The following LMF1 variants were observed in gnomAD, a reference collection of about 807,000 sequenced individuals.
The protein encoded by LMF1 is lipase maturation factor 1.
In LMF1, 68 loss-of-function variants were observed where a neutral mutation model predicts 60.6. The ratio of observed to expected loss-of-function variants is 1.12; its 90% CI spans 0.92 to 1.37. The LOEUF (loss-of-function observed/expected upper bound fraction) is 1.37, where lower values mean the gene tolerates loss of function less well. LMF1 is among the 40% of genes most tolerant of loss of function. The pLI is 0.00. For missense variants in LMF1, 948 were observed against 767.2 expected, an observed-to-expected ratio of 1.24 and a Z score of -2.78; for synonymous variants, 418 against 324.7, an observed-to-expected ratio of 1.29 and a Z score of -3.09.
intron 3 of LMF1, among the ~76,000 whole-genome samples, chr16:926,160 G>A (rs1210299566): frequency 6.6e-6 from 1 of 152,112 alleles, no homozygotes; most frequent in East Asian, 1.9e-4. Context: ...GTTTGCATAT[G>A]TGCATACGCG....
chr16:869,948 G>A lies in LMF1; in HGVS notation c.1351C>T (p.Arg451Trp), dbSNP rs138205062. Residue 451 changes from arginine to tryptophan, a missense_variant, in exon 9 of 11, where the codon CGG becomes TGG. By Grantham distance (101) the Arg-to-Trp change is moderately radical (BLOSUM62 -3). Coordinates refer to ENST00000262301, the MANE Select transcript of LMF1 (RefSeq NM_022773.4). Reference protein sequence around the residue: ...FKCKPGDPSRRPCLISPYHYR... With the variant: ...FKCKPGDPSRWPCLISPYHYR... ...TGGTACGGGGAGATGAGGCAGGGCCGTCTGCTGGGGTCACCTGGCTTGCAC... is the reference window on the plus strand; with the variant it reads ...TGGTACGGGGAGATGAGGCAGGGCCATCTGCTGGGGTCACCTGGCTTGCAC... The A allele has an allele frequency of 3.2e-3, 5,141 of 1,613,292 alleles. 30 individuals carry two copies. The highest frequency in any genetic ancestry group is 0.01 in the Middle Eastern group (61 of 6,062).
At chr16:917,780 C>G (rs2071323485) in intron 3 of LMF1, among the ~76,000 whole-genome samples, 1 of 152,234 alleles carries the variant, frequency 6.6e-6, no homozygotes, top group Non-Finnish European at 1.5e-5. Context: ...GCACCCCCGG[C>G]CTCCTCCTGA....
In LMF1 at chr16:931,830, G is replaced by A. The variant is rs1175378226; in HGVS notation, c.514+2414C>T. On this transcript the variant is annotated intron_variant, in intron 3 of 10. Transcript: ENST00000262301. ...GACACAACATGAAACTCAGGCTCAC[G>A]AGGGCTCTCAGGCGGAAAACATTAA... is the stretch of plus-strand genomic sequence containing the variant. 12 of 1,273,224 alleles carry A rather than the reference G, an allele frequency of 9.4e-6. No homozygotes were observed. The East Asian group carries it at 4.5e-4, about 48-fold the overall frequency. The allele number at this position is 1,273,224 out of a possible 1,614,324, so 78.9% of individuals were successfully genotyped here.
At chr16:981,231 A>C (rs1041226792) in exon 1 of LMF1, 1 of 453,572 alleles carries the variant, frequency 2.2e-6, no homozygotes, top group Non-Finnish European at 4.4e-6. Context: ...CGCAGGCAGC[A>C]GCTGACCCCG....
At chr16:981,337 AGAGAGAGAGAGTGTGT>A (rs869031112), upstream of LMF1, 402 of 319,688 alleles carry the variant, frequency 1.3e-3, 1 homozygote, top group Non-Finnish European at 1.7e-3. Flanking sequence ...AGAGAGAGAG[AGAGAGAGAGAGTGTGT>A]GTGTGTGTGT....
At chr16:855,144 T>G in intron 10 of LMF1, 1 of 269,456 alleles carries the variant, frequency 3.7e-6, no homozygotes, top group Non-Finnish European at 7.3e-6. Flanking sequence ...AGGCCAGTCC[T>G]GGCGCAAGGT....
At position 871,049 on chromosome 16, in the gene LMF1, C is replaced by A. The variant is rs892108270; in HGVS notation, c.1078+112G>T. 2.9e-6 allele frequency: 4 copies of A among 1,399,536 alleles called. No individual in the cohort carries two copies. In the African/African-American group the frequency reaches 5.7e-5, roughly 20 times the overall value. The allele number at this position is 1,399,536 out of a possible 1,614,324, so 86.7% of individuals were successfully genotyped here. The stretch of plus-strand genomic sequence containing the variant: ...TCCTGGCACGCTACACTGCGGACGG[C>A]GCTGACTCTCCTCCTACCCTGGCGT... On this transcript the variant is annotated intron_variant, in intron 7 of 10. Transcript: ENST00000262301.
chr16:884,129 T>G (rs2070241937), intron 5 of LMF1: 1 of 152,376 alleles, frequency 6.6e-6, no homozygotes, highest in African/African-American at 2.4e-5. Context: ...GATCATATTC[T>G]TTGCTCTGAA....
chr16:964,780 G>A (rs889621525), intron 1 of LMF1, among the ~76,000 whole-genome samples: 2 of 152,184 alleles, frequency 1.3e-5, no homozygotes, highest in Admixed American at 6.5e-5. Flanking sequence ...ACCCTGCCTC[G>A]GGTGTCATCT....
chr16:871,544 C>T, intron 6 of LMF1: 1 of 596,010 alleles, frequency 1.7e-6, no homozygotes, highest in Admixed American at 3.0e-5. Flanking sequence ...TGCCTTCCGG[C>T]AGGTGCTTCC....
rs1362020998 is a variant in LMF1 at position 868,988 on chromosome 16, C to T, written c.1485G>A (p.Leu495=). 3.7e-6 allele frequency: 6 copies of T among 1,612,416 alleles called. No individual in the cohort carries two copies. The highest frequency in any genetic ancestry group is 4.2e-6 in the Non-Finnish European group (5 of 1,179,782). ...CGAAGGGGTTGTGTGCCAGCAGGGA[C>T]AAGGCCTCGGCGTCGCTGGCCAGGA... ...GKLLASDAEA[L]SLLAHNPFAG... The change falls in exon 10 of 11, where the codon TTG becomes TTA. Residue 495 remains leucine (L), a synonymous_variant. Transcript: ENST00000262301.
chr16:861,838 C>T (rs1162694368), intron 10 of LMF1, among the ~76,000 whole-genome samples: 1 of 152,216 alleles, frequency 6.6e-6, no homozygotes, highest in Non-Finnish European at 1.5e-5. Context: ...ATGGTTAGAG[C>T]AGACGTCCTT....
chr16:970,894 C>T lies in LMF1; in HGVS notation c.87G>A (p.Ser29=). The T allele has an allele frequency of 1.3e-6, 2 of 1,577,216 alleles. No homozygotes were observed. Among genetic ancestry groups the T allele is most frequent in the Non-Finnish European group, 1.7e-6 (2 of 1,163,748 alleles). Residue 29 remains serine (S), a synonymous_variant, in exon 1 of 11, where the codon TCG becomes TCA. Transcript: ENST00000262301. ...KTGYSDPEPE[S]PPAPGRGPAG... ...CGGGGCCACGCCCCGGCGCGGGCGG[C>T]GACTCAGGCTCCGGATCCGAGTACC...
chr16:893,604 C>T (rs2070559950), intron 4 of LMF1, among the ~76,000 whole-genome samples: 1 of 152,130 alleles, frequency 6.6e-6, no homozygotes, highest in Admixed American at 6.5e-5. Flanking sequence ...GGGCACGGGA[C>T]AGGCTTCCAG....
intron 5 of LMF1, among the ~76,000 whole-genome samples, chr16:886,358 C>T (rs1293565006): frequency 1.3e-5 from 2 of 152,126 alleles, no homozygotes; most frequent in African/African-American, 4.8e-5. Context: ...GGCAAGAGGA[C>T]CCCAGGACAA....
At chr16:876,080 T>A (rs541871025) in intron 6 of LMF1, among the ~76,000 whole-genome samples, 10 of 152,362 alleles carry the variant, frequency 6.6e-5, no homozygotes, top group African/African-American at 2.4e-4. Context: ...ACCCTCCTTG[T>A]GCGCCCTGTG....
chr16:970,183 G>A (rs1053235069), intron 1 of LMF1, among the ~76,000 whole-genome samples: 3 of 152,216 alleles, frequency 2.0e-5, no homozygotes, highest in Admixed American at 6.5e-5. Flanking sequence ...CTCCAGTCTG[G>A]CCACCAGCCA....
chr16:958,730 T>C (rs1338859241), intron 1 of LMF1, among the ~76,000 whole-genome samples: 1 of 151,898 alleles, frequency 6.6e-6, no homozygotes, highest in African/African-American at 2.4e-5. Flanking sequence ...CTACTAAAAA[T>C]ACAAAAATTA....
At chr16:938,884 C>T (rs912695988) in intron 2 of LMF1, among the ~76,000 whole-genome samples, 10 of 152,128 alleles carry the variant, frequency 6.6e-5, no homozygotes, top group Non-Finnish European at 7.3e-5. Flanking sequence ...TGCTGGAGGC[C>T]GTTTCGACAA....
Sources: gnomAD v4.1 joint callset for allele counts (sites outside exome capture counted in the v4.1 genomes callset) on GRCh38, gnomAD v4.1.1 for gene constraint, MANE v1.5 for transcripts, NCBI Gene and HGNC (gene_info 2026-07-23, HGNC 2026-07-21) for gene names.